The following ABRAXAS2 variants were observed in gnomAD, a reference collection of about 807,000 sequenced individuals.
ABRAXAS2 encodes BRISC complex subunit Abraxas 2.
ABRAXAS2 carries 23 observed loss-of-function variants against 49.0 expected under a neutral mutation model. The ratio of observed to expected loss-of-function variants is 0.47; its 90% CI spans 0.34 to 0.66. The LOEUF is 0.66. ABRAXAS2 is among the 30% of genes least tolerant of loss of function. The probability of loss-of-function intolerance (pLI) is 0.01; values close to 1 mark genes in which losing one functional copy is unlikely to be tolerated. For missense variants in ABRAXAS2, 443 were observed against 511.9 expected (o/e 0.87, Z 1.30); for synonymous variants, 168 against 180.2 (o/e 0.93, Z 0.54).
At position 124,834,433 on chromosome 10, in the gene ABRAXAS2, G is replaced by A. The variant is rs768828284; in HGVS notation, c.779-69G>A. 244 of 1,359,182 alleles carry A rather than the reference G, an allele frequency of 1.8e-4. 1 individual carries two copies. The highest frequency in any genetic ancestry group is 2.4e-4 in the Admixed American group (11 of 46,174). The allele number at this position is 1,359,182 out of a possible 1,614,324, so 84.2% of individuals were successfully genotyped here. ...ATTTTCCAGAACATTCAGGTTGGCCGTGTTATACATTGAGATGAAAAGCTG... is the reference window on the plus strand; with the variant it reads ...ATTTTCCAGAACATTCAGGTTGGCCATGTTATACATTGAGATGAAAAGCTG... On this transcript the variant is annotated intron_variant, in intron 8 of 8. Coordinates refer to ENST00000298492, the MANE Select transcript of ABRAXAS2 (RefSeq NM_032182.4).
chr10:124,830,274 A>G (rs1950923680), intron 7 of ABRAXAS2, among the ~76,000 whole-genome samples: 1 of 152,034 alleles, frequency 6.6e-6, no homozygotes, highest in African/African-American at 2.4e-5. Context: ...ATGAGACCCT[A>G]TTTCTACAAA....
At chr10:124,811,724 C>T (rs1368091199) in intron 2 of ABRAXAS2, among the ~76,000 whole-genome samples, 2 of 152,030 alleles carry the variant, frequency 1.3e-5, no homozygotes, top group East Asian at 3.9e-4. Flanking sequence ...GGCGACAGAG[C>T]TAGACTCCGT....
intron 5 of ABRAXAS2, among the ~76,000 whole-genome samples, chr10:124,828,431 C>G (rs1950910346): frequency 6.6e-6 from 1 of 152,176 alleles, no homozygotes. Context: ...GTGGCACAAT[C>G]TTGGCTCATT....
At chr10:124,813,484 G>T (rs1280263019) in intron 2 of ABRAXAS2, among the ~76,000 whole-genome samples, 1 of 152,192 alleles carries the variant, frequency 6.6e-6, no homozygotes, top group Non-Finnish European at 1.5e-5. Flanking sequence ...GATTTGTAAA[G>T]AAATGTGTGC....
intron 2 of ABRAXAS2, chr10:124,814,994 A>G (rs1189002682): frequency 6.6e-6 from 1 of 152,158 alleles, no homozygotes; most frequent in Non-Finnish European, 1.5e-5. Flanking sequence ...GAAGGGGGAA[A>G]GAGTAGAACA....
chr10:124,805,194 G>A lies in ABRAXAS2; in HGVS notation c.73-1637G>A, dbSNP rs1263329450. Among the ~76,000 whole-genome samples, 8 of 151,988 alleles carry A rather than the reference G, an allele frequency of 5.3e-5. No homozygotes were observed. In the South Asian group the frequency reaches 8.3e-4, roughly 16 times the overall value. ...TAAAAATACAAAAAATTAGCCGGGC[G>A]CGGTGGCGGGCGCCTGTAGTCCCAG... On this transcript the variant is annotated intron_variant, in intron 1 of 8. Coordinates refer to ENST00000298492, the MANE Select transcript of ABRAXAS2 (RefSeq NM_032182.4).
chr10:124,829,757 G>C (rs963673863), intron 7 of ABRAXAS2, among the ~76,000 whole-genome samples: 1 of 152,140 alleles, frequency 6.6e-6, no homozygotes, highest in Non-Finnish European at 1.5e-5. Context: ...ATGTAGAAAG[G>C]CTTGCTAAGA....
chr10:124,816,889 C>G (rs990950890), intron 3 of ABRAXAS2, among the ~76,000 whole-genome samples: 1 of 152,156 alleles, frequency 6.6e-6, no homozygotes, highest in African/African-American at 2.4e-5. Flanking sequence ...TAAAATAATT[C>G]AAAGGATGTT....
intron 4 of ABRAXAS2, among the ~76,000 whole-genome samples, chr10:124,824,534 C>CAAAAAAAAAAAAA (rs531680713): frequency 3.8e-5 from 3 of 78,194 alleles, no homozygotes; most frequent in Admixed American, 1.2e-4. Flanking sequence ...TCTCAAAAAC[C>CAAAAAAAAAAAAA]AAAAAAAAAA....
chr10:124,828,450 C>G (rs756925732), intron 5 of ABRAXAS2, among the ~76,000 whole-genome samples: 1 of 152,116 alleles, frequency 6.6e-6, no homozygotes, highest in Non-Finnish European at 1.5e-5. Context: ...TTGCAACCTC[C>G]GCCTCCTGGG....
intron 4 of ABRAXAS2, among the ~76,000 whole-genome samples, chr10:124,820,288 A>G (rs1406460150): frequency 6.6e-6 from 1 of 152,178 alleles, no homozygotes; most frequent in African/African-American, 2.4e-5. Context: ...TAGTCTAACC[A>G]AGCTGCCTGC....
rs182457704 is a variant in ABRAXAS2 at position 124,822,911 on chromosome 10, G to A, written c.267+3461G>A. 3.9e-5 allele frequency among the ~76,000 whole-genome samples: 6 copies of A among 152,258 alleles called. No individual in the cohort carries two copies. In the East Asian group the frequency reaches 9.6e-4, roughly 24 times the overall value. On this transcript the variant is annotated intron_variant, in intron 4 of 8. Transcript: ENST00000298492. ...CTGTTTGAGACACAGAAGGCCACTC[G>A]TTGGTTGCTATCTAGAGTTGACTGC...
intron 1 of ABRAXAS2, 70 bp from the exon 2 acceptor site, chr10:124,806,761 A>G: frequency 1.0e-6 from 1 of 1,004,238 alleles, no homozygotes; most frequent in Non-Finnish European, 1.5e-6. Flanking sequence ...ATATGTCCTC[A>G]ATTCCTCTTA....
chr10:124,804,445 G>A (rs912914157), intron 1 of ABRAXAS2, among the ~76,000 whole-genome samples: 6 of 152,150 alleles, frequency 3.9e-5, no homozygotes, highest in African/African-American at 1.4e-4. Context: ...AGAATACTAG[G>A]AATCTAGCTA....
intron 5 of ABRAXAS2, among the ~76,000 whole-genome samples, chr10:124,827,133 C>T (rs1175378385): frequency 1.4e-5 from 2 of 145,822 alleles, no homozygotes; most frequent in Non-Finnish European, 3.0e-5. Context: ...CACTGAGATT[C>T]GTGACTTCAA....
At position 124,834,613 on chromosome 10, in the gene ABRAXAS2, G is replaced by A. The variant is rs1190501233; in HGVS notation, c.890G>A (p.Gly297Glu). The A allele has an allele frequency of 6.2e-7, 1 of 1,614,170 alleles. No individual in the cohort carries two copies. The highest frequency in any genetic ancestry group is 1.1e-5 in the South Asian group (1 of 91,084). ...GCAGCTGAAGGCAGAAGTACACTTG[G>A]AGATGCAGAGGCCTCGGATCCTCCT... is the stretch of plus-strand genomic sequence containing the variant. ...GFAAEGRSTL[G>E]DAEASDPPPP... The change falls in exon 9 of 9, where the codon GGA (glycine) becomes GAA (glutamate). Residue 297 changes from glycine to glutamate, a missense_variant. Around this residue, in one of 3 missense-constraint regions of ABRAXAS2, gnomAD observed 230 missense variants for 237.0 expected, o/e 0.97. Coordinates refer to ENST00000298492, the MANE Select transcript of ABRAXAS2 (RefSeq NM_032182.4).
intron 1 of ABRAXAS2, among the ~76,000 whole-genome samples, chr10:124,804,886 A>G (rs927163501): frequency 1.3e-5 from 2 of 151,034 alleles, no homozygotes; most frequent in African/African-American, 4.9e-5. Context: ...TCTAGTTTTT[A>G]TATTTTTAGT....
intron 5 of ABRAXAS2, 91 bp from the exon 6 acceptor site, chr10:124,828,665 C>A: frequency 7.7e-7 from 1 of 1,294,836 alleles, no homozygotes; most frequent in Non-Finnish European, 1.1e-6. Flanking sequence ...TGAGCCACCA[C>A]ACCCAGCCCT....
At chr10:124,815,066 G>C (rs1564920651) in intron 2 of ABRAXAS2, 2 of 152,202 alleles carry the variant, frequency 1.3e-5, no homozygotes. Flanking sequence ...ACCAACCAAG[G>C]TAAGGTTTAT....
Sources: allele counts gnomAD v4.1 joint callset (sites outside exome capture counted in the v4.1 genomes callset), GRCh38; gene constraint gnomAD v4.1.1; regional missense constraint gnomAD v4.1.1; transcripts MANE v1.5; gene names NCBI Gene and HGNC (gene_info 2026-07-23, HGNC 2026-07-21).